SYNE1: variants seen among roughly 807,000 people sequenced by gnomAD.
SYNE1 encodes spectrin repeat containing nuclear envelope protein 1.
In SYNE1, 616 loss-of-function variants were observed where a neutral mutation model predicts 1,111.0. The observed-to-expected ratio is 0.55, with a 90% CI of 0.52 to 0.59. The LOEUF is 0.59. Among genes scored for constraint, SYNE1 ranks in the 20% least tolerant of loss-of-function variants. SYNE1 has a pLI of 0.00. For synonymous variants in SYNE1, 3,855 were observed against 3,825.8 expected (o/e 1.01, Z -0.28); for missense variants, 10,006 against 10,417.0 (o/e 0.96, Z 1.72).
At chr6:152,218,210 G>T in intron 121 of SYNE1, 47 bp downstream of exon 121, 1 of 1,595,332 alleles carries the variant, frequency 6.3e-7, no homozygotes, top group Non-Finnish European at 8.6e-7. Flanking sequence ...AAAGATTTTT[G>T]AAGACAGATG....
Position 152,244,534 on chromosome 6 carries a change from C to T in SYNE1, c.19692+3G>A, listed in dbSNP as rs150304757. On this transcript the variant is annotated splice_donor_region_variant and intron_variant, in intron 106 of 145. Transcript: ENST00000367255. ...GCTGAATACTACTGGCTGAAGGCTG[C>T]ACCTGGAGCTTGGAGAGTTCTTGCA... The T allele has an allele frequency of 2.0e-3, 3,304 of 1,614,002 alleles. 77 individuals are homozygous for T. The South Asian group carries it at 0.029, about 14-fold the overall frequency.
At chr6:152,398,484 T>G (rs1352858571) in intron 49 of SYNE1, 135 bp downstream of exon 49, 2 of 748,010 alleles carry the variant, frequency 2.7e-6, no homozygotes, top group East Asian at 5.3e-5. Flanking sequence ...TCCTTCTGAC[T>G]CAATCAGCCT....
chr6:152,273,652 G>A (rs770835430), intron 98 of SYNE1, among the ~76,000 whole-genome samples: 2 of 152,180 alleles, frequency 1.3e-5, no homozygotes, highest in Admixed American at 1.3e-4. Flanking sequence ...AAATGTCAAC[G>A]TTTAAAAGTT....
chr6:152,607,306 A>C (rs147411998), intron 3 of SYNE1, among the ~76,000 whole-genome samples: 287 of 152,166 alleles, frequency 1.9e-3, no homozygotes, highest in Admixed American at 3.1e-3. Flanking sequence ...TTTTTTAACC[A>C]ATAGCCTGAT....
chr6:152,231,784 ATGTG>A (rs369191135), intron 113 of SYNE1, among the ~76,000 whole-genome samples: 5 of 148,836 alleles, frequency 3.4e-5, no homozygotes, highest in African/African-American at 9.9e-5. Flanking sequence ...ATACGTGTGT[ATGTG>A]TGTGTGTGTG....
intron 29 of SYNE1, 25 bp downstream of exon 29, chr6:152,447,433 T>A: frequency 6.2e-7 from 1 of 1,613,698 alleles, no homozygotes; most frequent in Non-Finnish European, 8.5e-7. Context: ...GAACTGTCTG[T>A]TTAGAGTGTG....
intron 33 of SYNE1, 50 bp downstream of exon 33, chr6:152,435,891 T>C: frequency 6.2e-7 from 1 of 1,603,432 alleles, no homozygotes; most frequent in East Asian, 2.2e-5. Context: ...GGAAAGATTG[T>C]ATGAAACTTT....
At chr6:152,579,037 A>C (rs2099510572) in intron 3 of SYNE1, among the ~76,000 whole-genome samples, 1 of 152,152 alleles carries the variant, frequency 6.6e-6, no homozygotes, top group South Asian at 2.1e-4. Context: ...ACTTCTCACA[A>C]AATAGGCTCC....
At chr6:152,308,858 G>A (rs2095461562) in intron 90 of SYNE1, among the ~76,000 whole-genome samples, 1 of 152,168 alleles carries the variant, frequency 6.6e-6, no homozygotes, top group Admixed American at 6.5e-5. Context: ...ATAGTTAAGT[G>A]GTTAGGATTC....
chr6:152,315,532 A>G (rs551840291), intron 87 of SYNE1: 1 of 152,226 alleles, frequency 6.6e-6, no homozygotes, highest in Admixed American at 6.5e-5. Context: ...ATCACCATAC[A>G]TTTTGCCAAT....
chr6:152,245,443 A>T (rs1365462382), intron 105 of SYNE1, among the ~76,000 whole-genome samples: 1 of 152,224 alleles, frequency 6.6e-6, no homozygotes, highest in African/African-American at 2.4e-5. Flanking sequence ...CCCCTGAAGG[A>T]GGACAAAAAC....
intron 52 of SYNE1, 97 bp from the exon 53 acceptor site, chr6:152,390,549 C>T: frequency 7.4e-6 from 9 of 1,215,894 alleles, no homozygotes; most frequent in Non-Finnish European, 9.4e-6. Flanking sequence ...AGTAGGAATA[C>T]TTTACTTACC....
At chr6:152,610,340 G>A (rs2099627787) in intron 3 of SYNE1, among the ~76,000 whole-genome samples, 2 of 152,116 alleles carry the variant, frequency 1.3e-5, no homozygotes, top group Non-Finnish European at 2.9e-5. Flanking sequence ...TGAGAACTTC[G>A]AGATGCATAC....
chr6:152,132,218 T>A lies in SYNE1; in HGVS notation c.26002-4A>T. 1 of 1,613,962 alleles carries A rather than the reference T, an allele frequency of 6.2e-7. No homozygotes were observed. Among genetic ancestry groups the A allele is most frequent in the Non-Finnish European group, 8.5e-7 (1 of 1,179,878 alleles). ...CAGAAGACCAGGAAGACAAATCCTA[T>A]GTGGGAGAAAGATTCTTTTAACAAC... On this transcript the variant is annotated splice_region_variant and splice_polypyrimidine_tract_variant and intron_variant, in intron 143 of 145. Coordinates refer to ENST00000367255, the MANE Select transcript of SYNE1 (RefSeq NM_182961.4).
At chr6:152,551,464 A>G (rs1188158528) in intron 3 of SYNE1, among the ~76,000 whole-genome samples, 1 of 152,158 alleles carries the variant, frequency 6.6e-6, no homozygotes, top group East Asian at 1.9e-4. Flanking sequence ...TGCCCCTCAC[A>G]TGTACCAGCC....
Position 152,197,599 on chromosome 6 carries a change from A to G in SYNE1, c.23145+4225T>C, listed in dbSNP as rs540901173. Among the ~76,000 whole-genome samples the G allele has an allele frequency of 2.6e-5, 4 of 152,322 alleles. No homozygotes were observed. The East Asian group carries it at 7.7e-4, about 29-fold the overall frequency. Reference sequence around the variant, plus strand: ...ATTAGTCTTGTACATCTCCATCTCCATCAGATATCTAGGGTGACTACGTGC... The same window carrying G: ...ATTAGTCTTGTACATCTCCATCTCCGTCAGATATCTAGGGTGACTACGTGC... On this transcript the variant is annotated intron_variant, in intron 127 of 145. Coordinates refer to ENST00000367255, the MANE Select transcript of SYNE1 (RefSeq NM_182961.4).
At chr6:152,207,572 G>A (rs1223510259) in intron 125 of SYNE1, among the ~76,000 whole-genome samples, 6 of 152,134 alleles carry the variant, frequency 3.9e-5, no homozygotes, top group African/African-American at 1.2e-4. Flanking sequence ...GGGGCAACCT[G>A]GAAATGAACA....
At chr6:152,195,891 G>T (rs116891109) in intron 127 of SYNE1, among the ~76,000 whole-genome samples, 2,269 of 150,078 alleles carry the variant, frequency 0.015, 30 homozygotes, top group Non-Finnish European at 0.022. Flanking sequence ...GCTCCCCCTG[G>T]CCCCAGGTGG....
chr6:152,201,487 T>C (rs1007466039), intron 127 of SYNE1, among the ~76,000 whole-genome samples: 6 of 151,852 alleles, frequency 4.0e-5, no homozygotes, highest in Middle Eastern at 3.4e-3. Context: ...TTTTTTTTTT[T>C]CCTTCTTGTA....
Sources: gnomAD v4.1 joint callset for allele counts (sites outside exome capture counted in the v4.1 genomes callset) on GRCh38, gnomAD v4.1.1 for gene constraint, MANE v1.5 for transcripts, NCBI Gene and HGNC (gene_info 2026-07-23, HGNC 2026-07-21) for gene names.